The following MGAT5 variants were observed in gnomAD, a reference collection of about 807,000 sequenced individuals.
MGAT5 encodes alpha-1,6-mannosylglycoprotein 6-beta-N-acetylglucosaminyltransferase A.
Under a neutral mutation model 94.3 loss-of-function variants are expected in MGAT5, and 30 were observed. The observed-to-expected ratio is 0.32, with a 90% CI of 0.24 to 0.43. The LOEUF (loss-of-function observed/expected upper bound fraction) is 0.43. Among genes scored for constraint, MGAT5 ranks in the 20% least tolerant of loss-of-function variants. The pLI, the probability that MGAT5 is intolerant of heterozygous loss-of-function variation, is 1.00. For synonymous variants in MGAT5, 310 were observed against 322.9 expected (o/e 0.96, Z 0.43); for missense variants, 691 against 905.5 (o/e 0.76, Z 3.04).
At chr2:134,214,761 G>C (rs887878131) in intron 1 of MGAT5, among the ~76,000 whole-genome samples, 2 of 152,146 alleles carry the variant, frequency 1.3e-5, no homozygotes, top group African/African-American at 4.8e-5. Context: ...AACAGCCAAC[G>C]AACATTTTAA....
intron 1 of MGAT5, among the ~76,000 whole-genome samples, chr2:134,138,925 G>C (rs527658974): frequency 6.6e-6 from 1 of 152,314 alleles, no homozygotes; most frequent in Admixed American, 6.5e-5. Flanking sequence ...CAGATTGGGG[G>C]TTAAATGCAG....
At chr2:134,142,621 G>A (rs2104962181) in intron 1 of MGAT5, among the ~76,000 whole-genome samples, 1 of 152,338 alleles carries the variant, frequency 6.6e-6, no homozygotes, top group Non-Finnish European at 1.5e-5. Flanking sequence ...GGGCACTGGG[G>A]AGCCAAGGCC....
intron 1 of MGAT5, among the ~76,000 whole-genome samples, chr2:134,267,425 C>T (rs1683783970): frequency 6.6e-6 from 1 of 152,176 alleles, no homozygotes; most frequent in African/African-American, 2.4e-5. Context: ...CACTGCCTGG[C>T]ATATAGAAAG....
chr2:134,407,332 T>A (rs1683399219), intron 11 of MGAT5, among the ~76,000 whole-genome samples: 2 of 152,190 alleles, frequency 1.3e-5, no homozygotes, highest in South Asian at 4.1e-4. Flanking sequence ...GTGAGCATAC[T>A]TCAAGTCATT....
chr2:134,422,891 A>C lies in MGAT5; in HGVS notation c.1766A>C (p.Asp589Ala), dbSNP rs1574068747. Residue 589 changes from aspartate to alanine, a missense_variant, in exon 13 of 16, where the codon GAT becomes GCT. Around this residue, in one of 4 missense-constraint regions of MGAT5, gnomAD observed 260 missense variants for 347.0 expected, o/e 0.75. Transcript: ENST00000281923. ...CTCAACAATCAGGAGGAAGTAGAGG[A>C]TGCAGTGAAAGCAATTTTAAATCAG... ...VDLNNQEEVE[D>A]AVKAILNQKI... The C allele has an allele frequency of 6.2e-7, 1 of 1,613,716 alleles. No homozygotes were observed. The highest frequency in any genetic ancestry group is 2.2e-5 in the East Asian group (1 of 44,878).
At chr2:134,264,097 G>A (rs1042543097) in intron 1 of MGAT5, among the ~76,000 whole-genome samples, 7 of 143,048 alleles carry the variant, frequency 4.9e-5, no homozygotes, top group Middle Eastern at 3.8e-3. Flanking sequence ...ATCTCGGCTC[G>A]CCGCAATCTC....
At chr2:134,323,987 C>A (rs1219387823) in intron 4 of MGAT5, among the ~76,000 whole-genome samples, 1 of 152,102 alleles carries the variant, frequency 6.6e-6, no homozygotes, top group Non-Finnish European at 1.5e-5. Context: ...GGTATATTAA[C>A]TTAACCATCT....
chr2:134,434,951 T>C (rs1002138646), intron 14 of MGAT5, among the ~76,000 whole-genome samples: 7 of 152,324 alleles, frequency 4.6e-5, no homozygotes, highest in African/African-American at 1.7e-4. Context: ...AGTAAAGTAC[T>C]GAATGAATGA....
intron 1 of MGAT5, among the ~76,000 whole-genome samples, chr2:134,228,103 G>A (rs1045525411): frequency 6.6e-5 from 10 of 152,142 alleles, no homozygotes; most frequent in Non-Finnish European, 1.5e-4. Flanking sequence ...TCCTCTTGTC[G>A]TCATTTTAAG....
intron 10 of MGAT5, among the ~76,000 whole-genome samples, chr2:134,398,448 TA>T (rs993323935): frequency 1.3e-5 from 2 of 152,208 alleles, no homozygotes; most frequent in Non-Finnish European, 2.9e-5. Context: ...CAGAATTTTT[TA>T]ATGACAGGTC....
chr2:134,124,248 C>T (rs1471852006), intron 1 of MGAT5, among the ~76,000 whole-genome samples: 1 of 152,226 alleles, frequency 6.6e-6, no homozygotes, highest in Admixed American at 6.5e-5. Flanking sequence ...ACTGTAACCA[C>T]GTTCTCAGCT....
At chr2:134,264,250 G>A (rs909301022) in intron 1 of MGAT5, among the ~76,000 whole-genome samples, 4 of 152,020 alleles carry the variant, frequency 2.6e-5, no homozygotes, top group East Asian at 1.9e-4. Context: ...TCAAACTCCC[G>A]ACCTCAGGTG....
chr2:134,137,658 T>C (rs1374089600), intron 1 of MGAT5, among the ~76,000 whole-genome samples: 1 of 152,148 alleles, frequency 6.6e-6, no homozygotes, highest in Admixed American at 6.5e-5. Context: ...CGGATAACCA[T>C]ATGAAAAGAT....
intron 1 of MGAT5, among the ~76,000 whole-genome samples, chr2:134,178,765 G>A (rs1027001468): frequency 2.0e-5 from 3 of 152,126 alleles, no homozygotes; most frequent in African/African-American, 4.8e-5. Flanking sequence ...TTGTGGCTTT[G>A]TTAACACCTG....
At position 134,123,590 on chromosome 2, in the gene MGAT5, T is replaced by TG. The variant is rs573892943; in HGVS notation, c.-143+3304dup. Among the ~76,000 whole-genome samples, 4 of 152,184 alleles carry TG rather than the reference T, an allele frequency of 2.6e-5. No homozygotes were observed. In the East Asian group the frequency reaches 7.7e-4, roughly 29 times the overall value. ...CTAGGAGGCATGGAGGAGGAGTGGT[T>TG]GGGGGTGGCATTCTGTGTTGATGCT... On this transcript the variant is annotated intron_variant, in intron 1 of 16. Transcript: ENST00000409645.
chr2:134,121,913 T>G (rs1208322868), intron 1 of MGAT5, among the ~76,000 whole-genome samples: 1 of 152,134 alleles, frequency 6.6e-6, no homozygotes, highest in Non-Finnish European at 1.5e-5. Flanking sequence ...CAGAACTCCC[T>G]TGTCTGTACC....
rs568033266 is a variant in MGAT5 at position 134,134,259 on chromosome 2, G to A, written c.-143+13968G>A. On this transcript the variant is annotated intron_variant, in intron 1 of 16. Coordinates refer to the MGAT5 transcript ENST00000409645. ...AGATGGATGGCTGTCCTTCTAGGTG[G>A]TTGGATGCCTTTAATTAATAAAGAT... 2.8e-4 allele frequency among the ~76,000 whole-genome samples: 42 copies of A among 152,256 alleles called. No homozygotes were observed. The South Asian group carries it at 8.3e-3, about 30-fold the overall frequency.
At chr2:134,160,911 A>C (rs1388924086) in intron 1 of MGAT5, among the ~76,000 whole-genome samples, 1 of 152,232 alleles carries the variant, frequency 6.6e-6, no homozygotes, top group Non-Finnish European at 1.5e-5. Context: ...TGCCATGATC[A>C]TTAGTGTTAT....
At chr2:134,242,857 C>T (rs1682042688) in intron 1 of MGAT5, among the ~76,000 whole-genome samples, 1 of 152,168 alleles carries the variant, frequency 6.6e-6, no homozygotes, top group Non-Finnish European at 1.5e-5. Context: ...GCATTATTCT[C>T]TACAAGTCCT....
Sources: allele counts gnomAD v4.1 joint callset (sites outside exome capture counted in the v4.1 genomes callset), GRCh38; gene constraint gnomAD v4.1.1; regional missense constraint gnomAD v4.1.1; transcripts MANE v1.5; gene names NCBI Gene and HGNC (gene_info 2026-07-23, HGNC 2026-07-21).